Variants in TECRL observed in about 807,000 individuals in gnomAD.
TECRL encodes trans-2,3-enoyl-CoA reductase like, also known as trans-2,3-enoyl-CoA reductase-like.
TECRL carries 63 observed loss-of-function variants against 52.8 expected under a neutral mutation model. That is an observed-to-expected ratio of 1.19 (90% CI 0.97 to 1.47). The LOEUF (loss-of-function observed/expected upper bound fraction) is 1.47, where lower values mean the gene tolerates loss of function less well. Among genes scored for constraint, TECRL ranks in the 40% most tolerant of loss-of-function variants. The probability of loss-of-function intolerance (pLI) is 0.00; values close to 1 mark genes in which losing one functional copy is unlikely to be tolerated. For synonymous variants in TECRL, 164 were observed against 141.9 expected, an observed-to-expected ratio of 1.16 and a Z score of -1.10; for missense variants, 482 against 429.6, an observed-to-expected ratio of 1.12 and a Z score of -1.08.
chr4:64,397,575 T>C (rs1160494965), intron 1 of TECRL: 1 of 151,630 alleles, frequency 6.6e-6, no homozygotes, highest in East Asian at 2.0e-4. Flanking sequence ...AAGATGGCCA[T>C]AAACTATGAA....
chr4:64,365,208 T>TAA (rs61388326), intron 2 of TECRL, among the ~76,000 whole-genome samples: 2,189 of 146,132 alleles, frequency 0.015, 47 homozygotes, highest in African/African-American at 0.04. Flanking sequence ...TGCTTCATGT[T>TAA]AAAAAAAAAA....
intron 2 of TECRL, among the ~76,000 whole-genome samples, chr4:64,369,485 G>A (rs1396240458): frequency 1.3e-5 from 2 of 151,938 alleles, no homozygotes; most frequent in Non-Finnish European, 2.9e-5. Flanking sequence ...TTGAAAATAA[G>A]GATTAATAAA....
intron 3 of TECRL, among the ~76,000 whole-genome samples, chr4:64,324,197 T>C (rs561451158): frequency 4.6e-5 from 7 of 152,184 alleles, no homozygotes; most frequent in South Asian, 4.1e-4. Context: ...AATGTGTATA[T>C]GGGAAGATAT....
rs539213021 is a variant in TECRL, at chr4:64,373,864, G to T, written c.286+1308C>A. On this transcript the variant is annotated intron_variant, in intron 2 of 11. Transcript: ENST00000381210. ...GAGATCCATGTTTTATGCTAAGATA[G>T]AAATAACTATTAAAATAAATTTATT... Among the ~76,000 whole-genome samples, 89 of 149,332 alleles carry T rather than the reference G, an allele frequency of 6.0e-4. 1 individual carries two copies. The East Asian group carries it at 0.015, about 25-fold the overall frequency.
intron 1 of TECRL, among the ~76,000 whole-genome samples, chr4:64,392,364 T>A (rs553728118): frequency 3.0e-4 from 45 of 151,996 alleles, no homozygotes; most frequent in African/African-American, 9.6e-4. Flanking sequence ...CACCAACTAT[T>A]TAGTCCAATC....
At chr4:64,315,005 G>T (rs1717394595) in intron 4 of TECRL, among the ~76,000 whole-genome samples, 1 of 151,982 alleles carries the variant, frequency 6.6e-6, no homozygotes, top group South Asian at 2.1e-4. Context: ...TCTTTCTTCA[G>T]ATATAGTAAA....
rs771369922 is a variant in TECRL, at chr4:64,305,277, T to C, written c.658-39A>G. 1.1e-5 allele frequency: 17 copies of C among 1,550,578 alleles called. No individual in the cohort carries two copies. In the Admixed American group the frequency reaches 1.4e-4, roughly 13 times the overall value. ...AAAACAAAATAAAAGTTAGGAAAAA[T>C]ATGTAATATATATTTCAATTGTGAC... On this transcript the variant is annotated intron_variant, in intron 6 of 11. Transcript: ENST00000381210.
At chr4:64,330,074 A>G (rs894747644) in intron 2 of TECRL, among the ~76,000 whole-genome samples, 8 of 151,822 alleles carry the variant, frequency 5.3e-5, no homozygotes, top group African/African-American at 1.9e-4. Context: ...AATCAGAGAA[A>G]CATCTATCAT....
chr4:64,372,587 TA>T (rs554550767), intron 2 of TECRL, among the ~76,000 whole-genome samples: 159 of 151,556 alleles, frequency 1.0e-3, no homozygotes, highest in African/African-American at 3.5e-3. Flanking sequence ...CATATTACAG[TA>T]AAAAAAGTTC....
chr4:64,339,290 G>A (rs1719367661), intron 2 of TECRL, among the ~76,000 whole-genome samples: 1 of 110,114 alleles, frequency 9.1e-6, no homozygotes, highest in Admixed American at 1.1e-4. Flanking sequence ...TTGTGGGGTG[G>A]GGGGAGGGGG....
chr4:64,292,211 G>T (rs1248717750), intron 8 of TECRL, among the ~76,000 whole-genome samples: 2 of 151,944 alleles, frequency 1.3e-5, no homozygotes, highest in Admixed American at 1.3e-4. Flanking sequence ...ATATTTCTCA[G>T]CATGACATAT....
intron 2 of TECRL, among the ~76,000 whole-genome samples, chr4:64,347,761 A>G (rs1720091397): frequency 6.6e-6 from 1 of 152,170 alleles, no homozygotes; most frequent in African/African-American, 2.4e-5. Flanking sequence ...TGGGGATTAC[A>G]GGTCCCTCCC....
At chr4:64,370,765 C>A (rs1191765926) in intron 2 of TECRL, among the ~76,000 whole-genome samples, 1 of 151,618 alleles carries the variant, frequency 6.6e-6, no homozygotes, top group Non-Finnish European at 1.5e-5. Flanking sequence ...TGTAATAAAA[C>A]TTTTATCTCA....
chr4:64,403,659 A>G (rs1724515273), intron 1 of TECRL, among the ~76,000 whole-genome samples: 1 of 152,084 alleles, frequency 6.6e-6, no homozygotes, highest in South Asian at 2.1e-4. Flanking sequence ...TGCCTAAGGA[A>G]AAAGAAATCA....
chr4:64,382,941 G>T (rs906711755), intron 1 of TECRL, among the ~76,000 whole-genome samples: 10 of 151,920 alleles, frequency 6.6e-5, no homozygotes, highest in African/African-American at 2.4e-4. Context: ...TCAGATGTAG[G>T]ACTCTCTTAA....
At position 64,317,759 on chromosome 4, in the gene TECRL, T is replaced by A. The variant is rs370640008; in HGVS notation, c.436-2996A>T. Among the ~76,000 whole-genome samples the A allele has an allele frequency of 1.9e-4, 29 of 152,258 alleles. No homozygotes were observed. In the East Asian group the frequency reaches 4.1e-3, roughly 21 times the overall value. Reference sequence around the variant, plus strand: ...TAATGAGTCTAGTGAGAAAAACTGATCAAAATATTTTTAAAAAGCCTTTTT... The same window carrying A: ...TAATGAGTCTAGTGAGAAAAACTGAACAAAATATTTTTAAAAAGCCTTTTT... On this transcript the variant is annotated intron_variant, in intron 4 of 11. Coordinates refer to ENST00000381210, the MANE Select transcript of TECRL (RefSeq NM_001010874.5).
chr4:64,345,993 G>A (rs1049156497), intron 2 of TECRL, among the ~76,000 whole-genome samples: 1 of 139,164 alleles, frequency 7.2e-6, no homozygotes, highest in Non-Finnish European at 1.5e-5. Context: ...AGATAAATAT[G>A]CACACAGAAG....
intron 1 of TECRL, among the ~76,000 whole-genome samples, chr4:64,406,151 C>CGT (rs1324564058): frequency 1.2e-4 from 11 of 92,358 alleles, no homozygotes; most frequent in South Asian, 3.5e-4. Context: ...TTGTTAGGCG[C>CGT]GCGCGCGCGC....
At chr4:64,408,657 T>C (rs1199889734) in intron 1 of TECRL, among the ~76,000 whole-genome samples, 1 of 152,060 alleles carries the variant, frequency 6.6e-6, no homozygotes. Flanking sequence ...GCTTAAATGA[T>C]TAAATTTTTT....
Sources: gnomAD v4.1 joint callset for allele counts (sites outside exome capture counted in the v4.1 genomes callset) on GRCh38, gnomAD v4.1.1 for gene constraint, MANE v1.5 for transcripts, NCBI Gene and HGNC (gene_info 2026-07-23, HGNC 2026-07-21) for gene names.